VSIG10L: variants seen among roughly 807,000 people sequenced by gnomAD.
VSIG10L encodes the protein V-set and immunoglobulin domain containing 10 like.
Under a neutral mutation model 67.3 loss-of-function variants are expected in VSIG10L, and 63 were observed. The observed-to-expected ratio is 0.94, with a 90% confidence interval of 0.76 to 1.15. The LOEUF is 1.15. Ranked by LOEUF, VSIG10L falls within the 50% of genes most tolerant of loss-of-function variation. VSIG10L has a pLI of 0.00. For missense variants in VSIG10L, 1,050 were observed against 1,177.5 expected (o/e 0.89, Z 1.58); for synonymous variants, 499 against 524.9 (o/e 0.95, Z 0.67).
Position 51,342,116 on chromosome 19 carries a change from G to T in VSIG10L, c.9C>A (p.Asn3Lys). 6.4e-7 allele frequency: 1 copy of T among 1,551,588 alleles called. No homozygotes were observed. Residue 3 changes from asparagine to lysine, a missense_variant, in exon 1 of 10, where the codon AAC (asparagine) becomes AAA (lysine). Around this residue, in one of 3 missense-constraint regions of VSIG10L, gnomAD observed 511 missense variants for 557.9 expected, o/e 0.92. Transcript: ENST00000335624. This position sits in a 1 kb window ranked among gnomAD's most constrained non-coding sequence, Gnocchi z 4.4. ...GTAGGAAGAGTGGCAGAGCCTGTGG[G>T]TTGTCCATGGTGCTGGCCTCACTGA... is the stretch of plus-strand genomic sequence containing the variant. MDNPQALPLFLLL... is the reference protein window; with the variant it reads MDKPQALPLFLLL...
Position 51,331,696 on chromosome 19 carries a change from C to G in VSIG10L, c.*915G>C, listed in dbSNP as rs899087155. The G allele has an allele frequency of 6.6e-6, 1 of 152,212 alleles. No individual in the cohort carries two copies. The highest frequency in any genetic ancestry group is 6.5e-5 in the Admixed American group (1 of 15,278). The allele number at this position is 152,212 out of a possible 1,614,324, so 9.4% of individuals were successfully genotyped here. A position where few individuals can be genotyped will look rare whatever the true frequency, so the allele number is the denominator to read the frequency against. On this transcript the variant is annotated 3_prime_UTR_variant, in exon 10 of 10. Transcript: ENST00000335624. ...CTTCACTGGCACCAAAACATTTGAT[C>G]AGTCAACAAATATTTATTGATTGCC... is the stretch of plus-strand genomic sequence containing the variant.
At position 51,333,901 on chromosome 19, in the gene VSIG10L, C is replaced by T. The variant is rs750945093; in HGVS notation, c.2464G>A (p.Val822Met). 8.4e-6 allele frequency: 13 copies of T among 1,551,520 alleles called. No homozygotes were observed. The Admixed American group carries it at 1.2e-4, about 14-fold the overall frequency. Residue 822 changes from valine (V) to methionine (M), a missense_variant, in exon 9 of 10, where the codon GTG becomes ATG. Physicochemically the swap from Val to Met is conservative, Grantham distance 21. Coordinates refer to ENST00000335624, the MANE Select transcript of VSIG10L (RefSeq NM_001163922.3). ...KKKHPSTLVPVVTPSEKKMHS... is the reference protein window; with the variant it reads ...KKKHPSTLVPMVTPSEKKMHS... ...ATCTTCTTTTCTGAGGGGGTGACCA[C>T]GGGGACCAAGGTAGAAGGATGCTTC...
chr19:51,337,939 T>C lies in VSIG10L; in HGVS notation c.1999A>G (p.Thr667Ala), dbSNP rs1599833702. 2 of 1,545,576 alleles carry C rather than the reference T, an allele frequency of 1.3e-6. No homozygotes were observed. Among genetic ancestry groups the C allele is most frequent in the Non-Finnish European group, 1.7e-6 (2 of 1,143,542 alleles). The stretch of plus-strand genomic sequence containing the variant: ...AAATAACGTGGCTCACCAATGAGGG[T>C]GATCTGGTCACCGCCAGCACCCAGC... ...GALGAGGDQI[T>A]LIGPSISSWR... Residue 667 changes from threonine to alanine, a missense_variant, in exon 6 of 10, where the codon ACC becomes GCC. Thr to Ala is a moderately conservative substitution (Grantham distance 58). This residue lies in a region of VSIG10L where 529 missense variants were observed against 584.9 expected (regional missense o/e 0.90). Transcript: ENST00000335624.
At position 51,340,869 on chromosome 19, in the gene VSIG10L, G is replaced by T. The variant is rs1049472506; in HGVS notation, c.896-143C>A. On this transcript the variant is annotated intron_variant, in intron 2 of 9. Coordinates refer to ENST00000335624, the MANE Select transcript of VSIG10L (RefSeq NM_001163922.3). This position sits in a 1 kb window ranked among gnomAD's most constrained non-coding sequence, Gnocchi z 6.3. ...TCTCCTCTCATAAACCTATGAGTTTGAGCCCCCAGACACCTCCTCTCCGGG... is the reference window on the plus strand; with the variant it reads ...TCTCCTCTCATAAACCTATGAGTTTTAGCCCCCAGACACCTCCTCTCCGGG... The T allele has an allele frequency of 8.6e-7, 1 of 1,162,864 alleles. No homozygotes were observed. The highest frequency in any genetic ancestry group is 1.1e-6 in the Non-Finnish European group (1 of 872,250). The allele number at this position is 1,162,864 out of a possible 1,614,324, so 72.0% of individuals were successfully genotyped here. A position where few individuals can be genotyped will look rare whatever the true frequency, so the allele number is the denominator to read the frequency against.
rs938811225 is a variant in VSIG10L, at chr19:51,340,127, C to A, written c.1362G>T (p.Ser454=). ...GTCCGACCGCGGGCAGCAGGAGGCG[C>A]GACCCCGCGGGCACCGCGGCCTCGG... ...DPAEAAVPAG[S]RLLLPAVGPG... Residue 454 remains serine, a synonymous_variant, in exon 4 of 10, where the codon TCG becomes TCT. Coordinates refer to ENST00000335624, the MANE Select transcript of VSIG10L (RefSeq NM_001163922.3). The surrounding 1 kb of genome is among the most constrained non-coding windows in gnomAD (Gnocchi z 6.3). 1.6e-4 allele frequency: 211 copies of A among 1,306,046 alleles called. No homozygotes were observed. The highest frequency in any genetic ancestry group is 2.0e-4 in the Non-Finnish European group (204 of 1,032,984). 80.9% of individuals were successfully genotyped at this position (1,306,046 alleles called of 1,614,324 possible).
At position 51,340,761 on chromosome 19, in the gene VSIG10L, G is replaced by T. The variant is rs1011404119; in HGVS notation, c.896-35C>A. The T allele has an allele frequency of 1.4e-5, 20 of 1,439,500 alleles. No homozygotes were observed. The highest frequency in any genetic ancestry group is 2.7e-5 in the Admixed American group (1 of 36,478). 89.2% of individuals were successfully genotyped at this position (1,439,500 alleles called of 1,614,324 possible). On this transcript the variant is annotated intron_variant, in intron 2 of 9. Coordinates refer to ENST00000335624, the MANE Select transcript of VSIG10L (RefSeq NM_001163922.3). The surrounding 1 kb of genome is among the most constrained non-coding windows in gnomAD (Gnocchi z 6.3). ...GGAGAATGGGCTCAGGACCCACCCAGTCCTGGAGCCCATCTTTGGTCCCCT... is the reference window on the plus strand; with the variant it reads ...GGAGAATGGGCTCAGGACCCACCCATTCCTGGAGCCCATCTTTGGTCCCCT...
In VSIG10L at chr19:51,340,953, T is replaced by C; in HGVS notation, c.895+200A>G. On this transcript the variant is annotated intron_variant, in intron 2 of 9. Transcript: ENST00000335624. The surrounding 1 kb of genome is among the most constrained non-coding windows in gnomAD (Gnocchi z 6.3). ...CCTCCTCCTCCCTCAGACCTGGGAGTTCAGGCTCCCAGGAGTCTCCATCCC... is the reference window on the plus strand; with the variant it reads ...CCTCCTCCTCCCTCAGACCTGGGAGCTCAGGCTCCCAGGAGTCTCCATCCC... 2 of 936,034 alleles carry C rather than the reference T, an allele frequency of 2.1e-6. No homozygotes were observed. Among genetic ancestry groups the C allele is most frequent in the Non-Finnish European group, 3.0e-6 (2 of 675,974 alleles). The allele number at this position is 936,034 out of a possible 1,614,324, so 58.0% of individuals were successfully genotyped here.
At chr19:51,336,464 G>C (rs1985480922) in intron 7 of VSIG10L, among the ~76,000 whole-genome samples, 1 of 152,156 alleles carries the variant, frequency 6.6e-6, no homozygotes, top group African/African-American at 2.4e-5. Flanking sequence ...TGAGGCAGGA[G>C]AATCACTTGA....
Position 51,340,422 on chromosome 19 carries a change from C to G in VSIG10L, c.1189+11G>C. 1 of 1,477,408 alleles carries G rather than the reference C, an allele frequency of 6.8e-7. No individual in the cohort carries two copies. The highest frequency in any genetic ancestry group is 9.0e-7 in the Non-Finnish European group (1 of 1,112,678). The allele number at this position is 1,477,408 out of a possible 1,614,324, so 91.5% of individuals were successfully genotyped here. On this transcript the variant is annotated intron_variant, in intron 3 of 9. Transcript: ENST00000335624. This position sits in a 1 kb window ranked among gnomAD's most constrained non-coding sequence, Gnocchi z 6.3. ...ACCCCCTGTCCCCGACCCGAGGCAT[C>G]CCCCACTCACAGAAGACGCTGACGT...
rs1324116236 is a variant in VSIG10L, at chr19:51,338,970, G to A, written c.1647C>T (p.Pro549=). 2.1e-6 allele frequency: 3 copies of A among 1,428,612 alleles called. No homozygotes were observed. The highest frequency in any genetic ancestry group is 3.0e-5 in the African/African-American group (2 of 66,798). 88.5% of individuals were successfully genotyped at this position (1,428,612 alleles called of 1,614,324 possible). Reference sequence around the variant, plus strand: ...GGACGCCGCTGAGCCGGGGGTGGGCGGGGACGGCCGCCAGCAGCACAGAGG... The same window carrying A: ...GGACGCCGCTGAGCCGGGGGTGGGCAGGGACGGCCGCCAGCAGCACAGAGG... ...PVSSVLLAAV[P]AHPRLSGVPI... The change falls in exon 5 of 10, where the codon CCC becomes CCT. Residue 549 remains proline (P), a synonymous_variant. Coordinates refer to ENST00000335624, the MANE Select transcript of VSIG10L (RefSeq NM_001163922.3).
chr19:51,335,080 C>T (rs1985450324), intron 7 of VSIG10L, among the ~76,000 whole-genome samples: 1 of 152,196 alleles, frequency 6.6e-6, no homozygotes, highest in Non-Finnish European at 1.5e-5. Flanking sequence ...GACAGTCATA[C>T]TAAACCCGGG....
Position 51,341,680 on chromosome 19 carries a change from G to T in VSIG10L, c.368C>A (p.Ser123Ter), listed in dbSNP as rs539769762. Residue 123 changes from serine to a stop codon, truncating the protein, a stop_gained, in exon 2 of 10, where the codon TCG becomes TAG. Coordinates refer to ENST00000335624, the MANE Select transcript of VSIG10L (RefSeq NM_001163922.3). LOFTEE classifies it high-confidence loss of function. ...TPGSEVFPDI[S>*]DPQVPAKDPK... ...GTCTTTGGCAGGAACTTGAGGATCC[G>T]AAATATCAGGAAATACTTCAGAACC... 6.4e-7 allele frequency: 1 copy of T among 1,551,560 alleles called. No homozygotes were observed. The highest frequency in any genetic ancestry group is 1.2e-5 in the South Asian group (1 of 84,066).
rs1161407807 is a variant in VSIG10L, at chr19:51,341,450, C to A, written c.598G>T (p.Ala200Ser). Residue 200 changes from alanine to serine, a missense_variant, in exon 2 of 10, where the codon GCT becomes TCT. Ala to Ser is a moderately conservative substitution (Grantham distance 99). Coordinates refer to ENST00000335624, the MANE Select transcript of VSIG10L (RefSeq NM_001163922.3). ...SFPQQVGGPL[A>S]VLVGTTIRLP... The stretch of plus-strand genomic sequence containing the variant: ...CGGATGGTGGTCCCCACCAGCACAG[C>A]GAGTGGGCCCCCCACCTGCTGGGGA... 2 of 1,540,294 alleles carry A rather than the reference C, an allele frequency of 1.3e-6. No individual in the cohort carries two copies. The highest frequency in any genetic ancestry group is 2.4e-5 in the East Asian group (1 of 40,852).
In VSIG10L at chr19:51,333,836, G is replaced by A. The variant is rs1306019752; in HGVS notation, c.2529C>T (p.Asp843=). The stretch of plus-strand genomic sequence containing the variant: ...TGTGGTCCTCCAGAGGGACTTTGAG[G>A]TCCAGAGGCCATGAAATCTCCACTG... The part of the protein sequence containing the change: ...VTPVEISWPL[D]LKVPLEDHSS... The change falls in exon 9 of 10, where the codon GAC becomes GAT. Residue 843 remains aspartate (D), a synonymous_variant. Coordinates refer to ENST00000335624, the MANE Select transcript of VSIG10L (RefSeq NM_001163922.3). 6.4e-7 allele frequency: 1 copy of A among 1,551,546 alleles called. No individual in the cohort carries two copies. The highest frequency in any genetic ancestry group is 1.4e-5 in the African/African-American group (1 of 73,052).
Position 51,337,933 on chromosome 19 carries a change from T to C in VSIG10L, c.2005A>G (p.Ile669Val), listed in dbSNP as rs1397691250. ...LGAGGDQITL[I>V]GPSISSWRLQ... Reference sequence around the variant, plus strand: ...TTTTTGAAATAACGTGGCTCACCAATGAGGGTGATCTGGTCACCGCCAGCA... The same window carrying C: ...TTTTTGAAATAACGTGGCTCACCAACGAGGGTGATCTGGTCACCGCCAGCA... The change falls in exon 6 of 10, where the codon ATT (isoleucine) becomes GTT (valine). Residue 669 changes from isoleucine to valine, a missense_variant. Coordinates refer to ENST00000335624, the MANE Select transcript of VSIG10L (RefSeq NM_001163922.3). 1.3e-6 allele frequency: 2 copies of C among 1,541,578 alleles called. No homozygotes were observed. Among genetic ancestry groups the C allele is most frequent in the East Asian group, 4.9e-5 (2 of 40,694 alleles).
intron 5 of VSIG10L, 26 bp from the exon 6 acceptor site, chr19:51,338,234 GAA>G: frequency 6.9e-7 from 1 of 1,454,396 alleles, no homozygotes; most frequent in Admixed American, 2.8e-5. Flanking sequence ...GTCCAGTTAA[GAA>G]AGTCAAGACC....
rs1452124939 is a variant in VSIG10L at position 51,340,241 on chromosome 19, G to A, written c.1248C>T (p.Arg416=). ...TCACGTTACTGCCCGCGGTGACAAA[G>A]CGGGCAGGCGCGGCGTCGCGGTCCG... ...VSSDRDAAPA[R]FVTAGSNVTL... is the part of the protein sequence containing the mutation. Residue 416 remains arginine, a synonymous_variant, in exon 4 of 10, where the codon CGC becomes CGT. Transcript: ENST00000335624. This position sits in a 1 kb window ranked among gnomAD's most constrained non-coding sequence, Gnocchi z 6.3. The A allele has an allele frequency of 3.3e-6, 5 of 1,511,964 alleles. No homozygotes were observed. The East Asian group carries it at 1.1e-4, about 32-fold the overall frequency. The allele number at this position is 1,511,964 out of a possible 1,614,324, so 93.7% of individuals were successfully genotyped here.
Position 51,337,489 on chromosome 19 carries a change from G to A in VSIG10L, c.2054C>T (p.Ala685Val). ...SWRLQRARDA[A>V]VLTWDVERGA... ...GCGCTCCACATCCCAAGTCAGCACGGCTGCATCTCTGGCTCTCTGAAGCCT... is the reference window on the plus strand; with the variant it reads ...GCGCTCCACATCCCAAGTCAGCACGACTGCATCTCTGGCTCTCTGAAGCCT... The change falls in exon 7 of 10, where the codon GCC becomes GTC. Residue 685 changes from alanine (A) to valine (V), a missense_variant. By Grantham distance (64) the Ala-to-Val change is moderately conservative (BLOSUM62 0). Coordinates refer to ENST00000335624, the MANE Select transcript of VSIG10L (RefSeq NM_001163922.3). 1 of 1,549,242 alleles carries A rather than the reference G, an allele frequency of 6.5e-7. No individual in the cohort carries two copies. The highest frequency in any genetic ancestry group is 8.7e-7 in the Non-Finnish European group (1 of 1,145,170).
intron 5 of VSIG10L, among the ~76,000 whole-genome samples, chr19:51,338,654 C>A (rs1372307219): frequency 1.3e-5 from 2 of 152,132 alleles, no homozygotes; most frequent in Admixed American, 6.5e-5. Context: ...TCTCTCTGAA[C>A]ACGTGTGAAA....
Sources: allele counts gnomAD v4.1 joint callset (sites outside exome capture counted in the v4.1 genomes callset), GRCh38; gene constraint gnomAD v4.1.1; regional missense constraint gnomAD v4.1.1; non-coding constraint Gnocchi (gnomAD v3.1); transcripts MANE v1.5; gene names NCBI Gene and HGNC (gene_info 2026-07-23, HGNC 2026-07-21).